HOOK3: variants seen among roughly 807,000 people sequenced by gnomAD.
The protein encoded by HOOK3 is protein Hook homolog 3.
A neutral mutation model predicts 116.3 loss-of-function variants in HOOK3; 24 were observed. The observed-to-expected ratio is 0.21, with a 90% CI of 0.15 to 0.29. The LOEUF (loss-of-function observed/expected upper bound fraction) is 0.29. Ranked by LOEUF, HOOK3 falls within the 10% of genes least tolerant of loss-of-function variation. HOOK3 has a pLI of 1.00. For synonymous variants in HOOK3, 275 were observed against 283.0 expected, an observed-to-expected ratio of 0.97 and a Z score of 0.28; for missense variants, 632 against 830.2, an observed-to-expected ratio of 0.76 and a Z score of 2.93.
intron 13 of HOOK3, among the ~76,000 whole-genome samples, chr8:42,979,758 A>C (rs1054551448): frequency 2.0e-5 from 3 of 152,126 alleles, no homozygotes; most frequent in Admixed American, 2.0e-4. Flanking sequence ...TTCTAGACCA[A>C]GCTTGTCAAA....
At chr8:42,937,648 C>G (rs1807998915) in intron 4 of HOOK3, among the ~76,000 whole-genome samples, 1 of 151,900 alleles carries the variant, frequency 6.6e-6, no homozygotes, top group Admixed American at 6.5e-5. Flanking sequence ...TCATTATGTA[C>G]CCAGTAGTCA....
At chr8:42,927,241 A>T in intron 3 of HOOK3, among the ~76,000 whole-genome samples, 1 of 137,498 alleles carries the variant, frequency 7.3e-6, no homozygotes, top group African/African-American at 2.9e-5. Context: ...GTTTAATGGC[A>T]CTGGTTTTTT....
At chr8:42,931,470 C>T (rs1487956508) in intron 4 of HOOK3, among the ~76,000 whole-genome samples, 2 of 126,554 alleles carry the variant, frequency 1.6e-5, no homozygotes, top group East Asian at 4.8e-4. Context: ...CTCGCTCTGT[C>T]ACCCAGTGTG....
At chr8:42,912,877 C>G (rs1371567732) in intron 2 of HOOK3, among the ~76,000 whole-genome samples, 1 of 152,162 alleles carries the variant, frequency 6.6e-6, no homozygotes, top group East Asian at 1.9e-4. Context: ...AGTTTCTCTG[C>G]CATAACTATC....
At chr8:42,950,318 A>G in intron 5 of HOOK3, 70 bp from the exon 6 acceptor site, 2 of 956,180 alleles carry the variant, frequency 2.1e-6, no homozygotes, top group South Asian at 1.4e-5. Flanking sequence ...GAATTTATGA[A>G]GTATGAGCCT....
intron 4 of HOOK3, among the ~76,000 whole-genome samples, chr8:42,931,300 C>T (rs1807867488): frequency 6.6e-6 from 1 of 152,158 alleles, no homozygotes; most frequent in African/African-American, 2.4e-5. Context: ...ACATTCACCC[C>T]TCAGCCCCAT....
intron 14 of HOOK3, among the ~76,000 whole-genome samples, chr8:42,983,487 T>A (rs1347161058): frequency 1.3e-5 from 2 of 152,024 alleles, no homozygotes; most frequent in Non-Finnish European, 2.9e-5. Context: ...AAAATTCCAT[T>A]TATTTATTTA....
At chr8:42,967,973 G>T in intron 10 of HOOK3, 40 bp from the exon 11 acceptor site, 1 of 1,100,198 alleles carries the variant, frequency 9.1e-7, no homozygotes, top group Non-Finnish European at 1.4e-6. Context: ...TACAAGTGTG[G>T]ATGTGTTTCT....
chr8:43,003,790 A>G (rs1461160925), intron 17 of HOOK3, among the ~76,000 whole-genome samples: 1 of 152,176 alleles, frequency 6.6e-6, no homozygotes, highest in East Asian at 1.9e-4. Context: ...GGTTGTAGAC[A>G]GATCACTCCA....
chr8:43,003,810 T>G (rs1809421927), intron 17 of HOOK3, among the ~76,000 whole-genome samples: 1 of 152,164 alleles, frequency 6.6e-6, no homozygotes, highest in African/African-American at 2.4e-5. Context: ...AGTCTCTTTC[T>G]CCACCTTCAC....
chr8:43,011,621 C>A (rs1406998308), intron 19 of HOOK3, among the ~76,000 whole-genome samples: 2 of 152,096 alleles, frequency 1.3e-5, no homozygotes, highest in Non-Finnish European at 2.9e-5. Flanking sequence ...CGCCTGTAAT[C>A]CTGTCGCTGT....
intron 2 of HOOK3, among the ~76,000 whole-genome samples, chr8:42,907,817 A>AAAAAAAAAAAAAAAAAAAAAAAC (rs1491136556): frequency 1.4e-5 from 1 of 73,794 alleles, no homozygotes; most frequent in African/African-American, 9.3e-5. Flanking sequence ...GCAACGAGGC[A>AAAAAAAAAAAAAAAAAAAAAAAC]AAAAAAAAAA....
intron 13 of HOOK3, among the ~76,000 whole-genome samples, chr8:42,975,500 G>A (rs983427424): frequency 9.2e-5 from 14 of 152,128 alleles, no homozygotes; most frequent in African/African-American, 3.4e-4. Context: ...TGGTAGTGAC[G>A]TAAAGGATCT....
chr8:42,907,845 A>AAAAAAAAAAAAAAC (rs1807344157), intron 2 of HOOK3, among the ~76,000 whole-genome samples: 1 of 151,286 alleles, frequency 6.6e-6, no homozygotes, highest in Non-Finnish European at 1.5e-5. Flanking sequence ...AAAAACAGTA[A>AAAAAAAAAAAAAAC]AAGGTGTCTA....
intron 15 of HOOK3, among the ~76,000 whole-genome samples, chr8:42,990,813 GC>G (rs1217098689): frequency 6.6e-6 from 1 of 152,152 alleles, no homozygotes; most frequent in Non-Finnish European, 1.5e-5. Context: ...CTATGCAGAA[GC>G]TTTTTAACTT....
intron 7 of HOOK3, 92 bp from the exon 8 acceptor site, chr8:42,959,139 A>G (rs1808490847): frequency 1.3e-6 from 1 of 757,076 alleles, no homozygotes; most frequent in East Asian, 2.6e-5. Context: ...CAGGAAAGAC[A>G]GGGGGGAGAT....
rs568551101 is a variant in HOOK3 at position 43,021,339 on chromosome 8, C to T, written c.*2841C>T. 4 of 185,194 alleles carry T rather than the reference C, an allele frequency of 2.2e-5. No homozygotes were observed. The highest frequency in any genetic ancestry group is 4.7e-5 in the African/African-American group (2 of 42,582). 11.5% of individuals were successfully genotyped at this position (185,194 alleles called of 1,614,324 possible). ...TTCCCCCCGAGACGGAGCCTCGTTC[C>T]GTCACCCAGGCTGTAGTGCCGTGGC... On this transcript the variant is annotated 3_prime_UTR_variant, in exon 22 of 22. Transcript: ENST00000307602.
intron 13 of HOOK3, among the ~76,000 whole-genome samples, chr8:42,977,188 A>C (rs1808846446): frequency 6.6e-6 from 1 of 152,202 alleles, no homozygotes; most frequent in Admixed American, 6.5e-5. Context: ...AGTCCTCAAG[A>C]AGTATTAATG....
chr8:42,933,674 C>T, intron 4 of HOOK3, among the ~76,000 whole-genome samples: 1 of 152,162 alleles, frequency 6.6e-6, no homozygotes, highest in East Asian at 1.9e-4. Context: ...CAGAAAAATA[C>T]ATGAGAGATA....
Sources: gnomAD v4.1 joint callset for allele counts (sites outside exome capture counted in the v4.1 genomes callset) on GRCh38, gnomAD v4.1.1 for gene constraint, MANE v1.5 for transcripts, NCBI Gene and HGNC (gene_info 2026-07-23, HGNC 2026-07-21) for gene names.